Variants in DNAJB6 observed in about 807,000 individuals in gnomAD.
DNAJB6 encodes the protein dnaJ homolog subfamily B member 6.
A neutral mutation model predicts 42.7 loss-of-function variants in DNAJB6; 16 were observed. That is an observed-to-expected ratio of 0.37 (90% CI 0.25 to 0.57). The LOEUF (loss-of-function observed/expected upper bound fraction) is 0.57, where lower values mean the gene tolerates loss of function less well. Ranked by LOEUF, DNAJB6 falls within the 20% of genes least tolerant of loss-of-function variation. The probability of loss-of-function intolerance (pLI) is 0.74; values close to 1 mark genes in which losing one functional copy is unlikely to be tolerated. For missense variants in DNAJB6, 347 were observed against 416.8 expected (o/e 0.83, Z 1.46); for synonymous variants, 170 against 163.5 (o/e 1.04, Z -0.30).
intron 2 of DNAJB6, among the ~76,000 whole-genome samples, chr7:157,359,544 G>A (rs748808690): frequency 1.4e-4 from 22 of 152,178 alleles, no homozygotes; most frequent in Non-Finnish European, 3.1e-4. Context: ...CTAAATTACG[G>A]CCAGGCAAGT....
intron 1 of DNAJB6, among the ~76,000 whole-genome samples, chr7:157,348,614 C>T (rs914871559): frequency 3.9e-5 from 6 of 152,122 alleles, no homozygotes; most frequent in Non-Finnish European, 8.8e-5. Flanking sequence ...CCCTGCCGTC[C>T]AGTCATCACT....
intron 8 of DNAJB6, among the ~76,000 whole-genome samples, chr7:157,392,690 T>C (rs528443173): frequency 1.3e-5 from 2 of 152,314 alleles, no homozygotes; most frequent in African/African-American, 4.8e-5. Flanking sequence ...TGCTTTCAAA[T>C]GAAAGGTGCA....
intron 8 of DNAJB6, among the ~76,000 whole-genome samples, chr7:157,404,196 TG>T (rs984658345): frequency 6.6e-6 from 1 of 152,022 alleles, no homozygotes; most frequent in African/African-American, 2.4e-5. Flanking sequence ...CTCAAACTCT[TG>T]GGCCCAAGTG....
intron 1 of DNAJB6, among the ~76,000 whole-genome samples, chr7:157,341,008 A>T (rs867139071): frequency 4.9e-5 from 3 of 61,462 alleles, no homozygotes; most frequent in African/African-American, 1.8e-4. Flanking sequence ...GCGCGCGCGC[A>T]GGTGGAATCA....
intron 4 of DNAJB6, 111 bp downstream of exon 4, chr7:157,366,672 C>T (rs939290029): frequency 1.0e-6 from 1 of 994,502 alleles, no homozygotes; most frequent in Admixed American, 2.2e-5. Context: ...AATAGAGATG[C>T]AACGTAGAAA....
chr7:157,405,157 G>A (rs1281891584), intron 8 of DNAJB6, among the ~76,000 whole-genome samples: 2 of 152,330 alleles, frequency 1.3e-5, no homozygotes, highest in East Asian at 1.9e-4. Flanking sequence ...ACGCGGCGAT[G>A]GCAGAGATAA....
At chr7:157,377,084 T>C (rs1476197749) in intron 5 of DNAJB6, among the ~76,000 whole-genome samples, 1 of 152,198 alleles carries the variant, frequency 6.6e-6, no homozygotes, top group African/African-American at 2.4e-5. Flanking sequence ...CTTTGAAGTC[T>C]CATAGTGGCT....
intron 8 of DNAJB6, among the ~76,000 whole-genome samples, chr7:157,402,994 G>A (rs545967743): frequency 7.9e-5 from 12 of 152,280 alleles, no homozygotes; most frequent in African/African-American, 2.6e-4. Flanking sequence ...ACAGCCTCAG[G>A]AGGCCCTGAC....
chr7:157,380,917 G>A (rs1307711629), intron 5 of DNAJB6: 1 of 152,210 alleles, frequency 6.6e-6, no homozygotes, highest in African/African-American at 2.4e-5. Flanking sequence ...GCGTCTCAGG[G>A]TTTTGGCTGC....
At chr7:157,337,602 C>A (rs1487111499) in intron 1 of DNAJB6, 1 of 151,982 alleles carries the variant, frequency 6.6e-6, no homozygotes, top group Non-Finnish European at 1.5e-5. Flanking sequence ...GCAGCCGTGC[C>A]GCCAAGTTCG....
At chr7:157,352,497 G>A (rs150327402) in intron 1 of DNAJB6, among the ~76,000 whole-genome samples, 11 of 152,020 alleles carry the variant, frequency 7.2e-5, no homozygotes, top group Non-Finnish European at 1.3e-4. Flanking sequence ...ATGAAGATGG[G>A]GGTGGGGGTG....
chr7:157,379,450 T>C (rs953013748), intron 5 of DNAJB6: 4 of 152,134 alleles, frequency 2.6e-5, no homozygotes, highest in African/African-American at 7.2e-5. Context: ...AATAACTTGG[T>C]TTAGGGACTC....
chr7:157,341,019 C>T (rs891135654), intron 1 of DNAJB6, among the ~76,000 whole-genome samples: 2 of 147,384 alleles, frequency 1.4e-5, no homozygotes, highest in East Asian at 2.1e-4. Context: ...GGTGGAATCA[C>T]CCTGTGTGCC....
In DNAJB6 at chr7:157,370,048, G is replaced by GA. The variant is rs1563128851; in HGVS notation, c.346+2565_346+2566insA. 4.2e-4 allele frequency among the ~76,000 whole-genome samples: 59 copies of GA among 142,156 alleles called. 2 individuals are homozygous for GA. Among genetic ancestry groups the GA allele is most frequent in the African/African-American group, 1.5e-3 (55 of 36,760 alleles). 93.3% of individuals were successfully genotyped at this position (142,156 alleles called of 152,430 possible). A position where few individuals can be genotyped will look rare whatever the true frequency, so the allele number is the denominator to read the frequency against. ...CTTTCTTAACATTATTATTAAACAG[G>GA]TCTTTCATAACGTTATTATTAAACG... On this transcript the variant is annotated intron_variant, in intron 5 of 9. Coordinates refer to ENST00000262177, the MANE Select transcript of DNAJB6 (RefSeq NM_058246.4).
intron 8 of DNAJB6, among the ~76,000 whole-genome samples, chr7:157,391,991 TACTC>T (rs1423763014): frequency 2.7e-5 from 4 of 150,072 alleles, no homozygotes; most frequent in Non-Finnish European, 5.9e-5. Context: ...TAGTCCCAGA[TACTC>T]AGGAGGCTGA....
chr7:157,361,219 C>T (rs1053725157), intron 2 of DNAJB6, among the ~76,000 whole-genome samples: 4 of 150,432 alleles, frequency 2.7e-5, no homozygotes, highest in Non-Finnish European at 4.4e-5. Context: ...AGTTCAATGG[C>T]GTGATCTCGG....
chr7:157,399,736 G>C (rs1409735556), intron 8 of DNAJB6, among the ~76,000 whole-genome samples: 1 of 152,074 alleles, frequency 6.6e-6, no homozygotes, highest in Non-Finnish European at 1.5e-5. Context: ...TGGCACAGTT[G>C]TGGCTCACTG....
At chr7:157,354,224 C>T (rs766479673) in intron 1 of DNAJB6, among the ~76,000 whole-genome samples, 4 of 151,884 alleles carry the variant, frequency 2.6e-5, no homozygotes, top group East Asian at 1.9e-4. Context: ...CTCGGCTCAC[C>T]GCAGCCTCCG....
chr7:157,341,138 G>A lies in DNAJB6; in HGVS notation c.-27+3994G>A, dbSNP rs901986354. Among the ~76,000 whole-genome samples the A allele has an allele frequency of 5.3e-5, 8 of 151,738 alleles. No individual in the cohort carries two copies. In the East Asian group the frequency reaches 1.2e-3, roughly 22 times the overall value. On this transcript the variant is annotated intron_variant, in intron 1 of 9. Transcript: ENST00000262177. ...GCCTGGCCAGATTTTAGATTTTTTT[G>A]TTGTTGTTGAGATGGAATCTCATAT...
Sources: allele counts gnomAD v4.1 joint callset (sites outside exome capture counted in the v4.1 genomes callset), GRCh38; gene constraint gnomAD v4.1.1; transcripts MANE v1.5; gene names NCBI Gene and HGNC (gene_info 2026-07-23, HGNC 2026-07-21).